The following IRAK1BP1 variants were observed in gnomAD, a reference collection of about 807,000 sequenced individuals.
IRAK1BP1 encodes interleukin 1 receptor associated kinase 1 binding protein 1.
In IRAK1BP1, 24 loss-of-function variants were observed where a neutral mutation model predicts 28.0. The observed-to-expected ratio is 0.86, with a 90% confidence interval of 0.62 to 1.20. The LOEUF is 1.20. Among genes scored for constraint, IRAK1BP1 ranks in the 50% most tolerant of loss-of-function variants. The pLI, the probability that IRAK1BP1 is intolerant of heterozygous loss-of-function variation, is 0.00. For missense variants in IRAK1BP1, 336 were observed against 316.7 expected (o/e 1.06, Z -0.46); for synonymous variants, 131 against 116.3 (o/e 1.13, Z -0.81).
rs1229879666 is a variant in IRAK1BP1, at chr6:78,899,745, G to C, written c.*1411G>C. On this transcript the variant is annotated 3_prime_UTR_variant, in exon 4 of 4. Transcript: ENST00000369940. ...GGCGTGAGCCACTGCATCTGGCCCTGTACGCACATTTTTAAAAATAAAACT... is the reference window on the plus strand; with the variant it reads ...GGCGTGAGCCACTGCATCTGGCCCTCTACGCACATTTTTAAAAATAAAACT... 1.3e-5 allele frequency: 2 copies of C among 151,946 alleles called. No homozygotes were observed. The highest frequency in any genetic ancestry group is 2.9e-5 in the Non-Finnish European group (2 of 67,980). 9.4% of individuals were successfully genotyped at this position (151,946 alleles called of 1,614,324 possible).
chr6:78,938,403 G>A (rs570386632), intron 4 of IRAK1BP1: 1 of 151,494 alleles, frequency 6.6e-6, no homozygotes, highest in Non-Finnish European at 1.5e-5. Flanking sequence ...GACTGTGTAC[G>A]CTCTTCCTTT....
chr6:78,979,199 T>C, the IRAK1BP1 span, among the ~76,000 whole-genome samples: 4 of 152,114 alleles, frequency 2.6e-5, no homozygotes, highest in Middle Eastern at 6.8e-3. Context: ...AAACACTTAT[T>C]CTAGAAAAAA....
chr6:78,874,404 A>G (rs1198001963), intron 1 of IRAK1BP1, among the ~76,000 whole-genome samples: 3 of 152,116 alleles, frequency 2.0e-5, no homozygotes, highest in African/African-American at 4.8e-5. Context: ...TGTTTTACCT[A>G]CTGCTTTGAA....
chr6:78,940,740 C>G, intron 4 of IRAK1BP1: 1 of 1,613,380 alleles, frequency 6.2e-7, no homozygotes, highest in Non-Finnish European at 8.5e-7. Flanking sequence ...AACTTTCGGA[C>G]TCGTCCTCTA....
chr6:78,948,222 A>C (rs1397539808), downstream of IRAK1BP1, among the ~76,000 whole-genome samples: 1 of 152,228 alleles, frequency 6.6e-6, no homozygotes, highest in Non-Finnish European at 1.5e-5. Context: ...ATTTATGCAG[A>C]CACCTAAGTT....
intron 4 of IRAK1BP1, chr6:78,938,568 T>C (rs1203134887): frequency 6.6e-6 from 1 of 151,670 alleles, no homozygotes; most frequent in African/African-American, 2.4e-5. Flanking sequence ...ATTTCAAACA[T>C]ACACTATTAT....
rs1287670096 is a variant in IRAK1BP1, at chr6:78,899,894, C to G, written c.*1560C>G. The G allele has an allele frequency of 6.6e-6, 1 of 152,076 alleles. No homozygotes were observed. The allele number at this position is 152,076 out of a possible 1,614,324, so 9.4% of individuals were successfully genotyped here. A position where few individuals can be genotyped will look rare whatever the true frequency, so the allele number is the denominator to read the frequency against. On this transcript the variant is annotated 3_prime_UTR_variant, in exon 4 of 4. Coordinates refer to ENST00000369940, the MANE Select transcript of IRAK1BP1 (RefSeq NM_001010844.4). ...AGATATTTGTTTTATCTTCAAAATT[C>G]AGTGTATATTTTTACATAATAGCAC... is the stretch of plus-strand genomic sequence containing the variant.
chr6:78,915,592 T>C (rs1772539478), intron 4 of IRAK1BP1, among the ~76,000 whole-genome samples: 1 of 152,178 alleles, frequency 6.6e-6, no homozygotes, highest in South Asian at 2.1e-4. Context: ...GACAGGGGAC[T>C]CCTGTGATGA....
intron 4 of IRAK1BP1, among the ~76,000 whole-genome samples, chr6:78,941,645 T>C (rs893054406): frequency 3.3e-5 from 5 of 152,128 alleles, no homozygotes; most frequent in African/African-American, 1.2e-4. Flanking sequence ...AACTTAGAAA[T>C]AAGTTACTCT....
chr6:78,972,654 T>C, the IRAK1BP1 span, among the ~76,000 whole-genome samples: 4 of 152,036 alleles, frequency 2.6e-5, no homozygotes, highest in East Asian at 7.7e-4. Flanking sequence ...AATGTGTAAC[T>C]AGAATAATCA....
chr6:78,873,837 A>G (rs2127665991), intron 1 of IRAK1BP1, among the ~76,000 whole-genome samples: 1 of 152,322 alleles, frequency 6.6e-6, no homozygotes, highest in African/African-American at 2.4e-5. Flanking sequence ...AGATATGTGT[A>G]CTGTGCTTGG....
At chr6:78,943,792 G>GCCTGGTCAAAATGGTGAAAT (rs1773640244) in intron 4 of IRAK1BP1, among the ~76,000 whole-genome samples, 1 of 151,984 alleles carries the variant, frequency 6.6e-6, no homozygotes, top group Non-Finnish European at 1.5e-5. Context: ...TTTGAGACCA[G>GCCTGGTCAAAATGGTGAAAT]CCTGGTCAAA....
chr6:78,945,393 T>C (rs1469265852), intron 4 of IRAK1BP1: 1 of 1,613,142 alleles, frequency 6.2e-7, no homozygotes, highest in East Asian at 2.2e-5. Flanking sequence ...TCCTTTTCCA[T>C]GTTTTCTTTT....
chr6:78,956,320 A>G, the IRAK1BP1 span: 2 of 151,836 alleles, frequency 1.3e-5, no homozygotes, highest in Non-Finnish European at 2.9e-5. Context: ...AGGGCTGTGA[A>G]CTCTATCCTC....
the IRAK1BP1 span, among the ~76,000 whole-genome samples, chr6:78,962,656 C>T: frequency 6.6e-6 from 1 of 152,024 alleles, no homozygotes; most frequent in South Asian, 2.1e-4. Flanking sequence ...TTTAACAAGG[C>T]AGAGCAATTA....
chr6:78,892,786 A>T (rs1288354210), intron 2 of IRAK1BP1, among the ~76,000 whole-genome samples: 1 of 152,214 alleles, frequency 6.6e-6, no homozygotes, highest in Non-Finnish European at 1.5e-5. Flanking sequence ...GATAATAAAT[A>T]CACTGAATAG....
exon 5 of IRAK1BP1, chr6:78,945,949 C>A: frequency 7.3e-7 from 1 of 1,370,424 alleles, no homozygotes. Flanking sequence ...AAAGTAAAAG[C>A]TTAAATTAAG....
At chr6:78,946,117 C>A in exon 5 of IRAK1BP1, 1 of 1,614,038 alleles carries the variant, frequency 6.2e-7, no homozygotes, top group Non-Finnish European at 8.5e-7. Context: ...GCTTCTGGTT[C>A]GAACCACAGA....
intron 4 of IRAK1BP1, among the ~76,000 whole-genome samples, chr6:78,922,350 G>A (rs1329358951): frequency 6.6e-6 from 1 of 152,170 alleles, no homozygotes; most frequent in African/African-American, 2.4e-5. Flanking sequence ...TGAATGAAAT[G>A]AAGAGAGAAG....
Sources: allele counts gnomAD v4.1 joint callset (sites outside exome capture counted in the v4.1 genomes callset), GRCh38; gene constraint gnomAD v4.1.1; transcripts MANE v1.5; gene names NCBI Gene and HGNC (gene_info 2026-07-23, HGNC 2026-07-21).